KCTD2: variants seen among roughly 807,000 people sequenced by gnomAD.
The protein encoded by KCTD2 is potassium channel tetramerization domain containing 2.
KCTD2 carries 18 observed loss-of-function variants against 27.9 expected under a neutral mutation model. The observed-to-expected ratio is 0.64, with a 90% CI of 0.45 to 0.96. KCTD2 has a LOEUF of 0.96. Among genes scored for constraint, KCTD2 ranks in the 40% least tolerant of loss-of-function variants. KCTD2 has a pLI of 0.00. For missense variants in KCTD2, 280 were observed against 348.0 expected (o/e 0.80, Z 1.56); for synonymous variants, 175 against 148.4 (o/e 1.18, Z -1.30).
At chr17:75,061,995 C>A in intron 4 of KCTD2, 125 bp from the exon 5 acceptor site, 1 of 1,063,966 alleles carries the variant, frequency 9.4e-7, no homozygotes, top group Non-Finnish European at 1.4e-6. Flanking sequence ...TCACAGAGAA[C>A]TCATATAAAG....
At chr17:75,043,607 G>A (rs1397420666), upstream of KCTD2, among the ~76,000 whole-genome samples, 1 of 125,550 alleles carries the variant, frequency 8.0e-6, no homozygotes, top group Non-Finnish European at 1.6e-5. Flanking sequence ...GTGAGACTCT[G>A]TCTCAAAAAA....
At chr17:75,033,940 C>T (rs1598678919) in intron 1 of KCTD2, 2 of 152,272 alleles carry the variant, frequency 1.3e-5, no homozygotes, top group African/African-American at 2.4e-5. Context: ...CACTGGCCTC[C>T]TAAGCCAGGG....
At chr17:75,040,261 A>C in intron 3 of KCTD2, 2 of 1,425,996 alleles carry the variant, frequency 1.4e-6, no homozygotes, top group South Asian at 1.2e-5. Flanking sequence ...AAGGGCTGGA[A>C]GCTACGAATC....
At chr17:75,060,730 C>T (rs539500175) in intron 4 of KCTD2, 16 of 774,334 alleles carry the variant, frequency 2.1e-5, no homozygotes, top group Middle Eastern at 3.8e-4. Context: ...TGGGATCAAC[C>T]GCCTGAGTAA....
intron 3 of KCTD2, among the ~76,000 whole-genome samples, chr17:75,057,654 G>A (rs1219277747): frequency 6.6e-6 from 1 of 150,780 alleles, no homozygotes. Flanking sequence ...CTGCCTCCGG[G>A]GTTCAAGCAG....
intron 3 of KCTD2, chr17:75,040,134 C>T: frequency 2.5e-6 from 4 of 1,612,686 alleles, no homozygotes; most frequent in Non-Finnish European, 3.4e-6. Flanking sequence ...TATATTTATC[C>T]TCTGGCACGG....
intron 3 of KCTD2, among the ~76,000 whole-genome samples, chr17:75,053,662 C>T (rs559458460): frequency 7.2e-5 from 11 of 151,972 alleles, no homozygotes; most frequent in African/African-American, 2.7e-4. Flanking sequence ...AGGCTGGTCT[C>T]GAACTCCCGA....
chr17:75,043,047 C>A (rs1368419456), upstream of KCTD2, among the ~76,000 whole-genome samples: 1 of 151,730 alleles, frequency 6.6e-6, no homozygotes, highest in Non-Finnish European at 1.5e-5. Context: ...CATGGCAAAA[C>A]CCCATCTCTA....
chr17:75,056,993 T>C (rs1462375796), intron 3 of KCTD2, among the ~76,000 whole-genome samples: 1 of 148,258 alleles, frequency 6.7e-6, no homozygotes, highest in Non-Finnish European at 1.5e-5. Context: ...CTCGCTGTGT[T>C]GACCAGGCTG....
chr17:75,051,429 T>TAC (rs2073285514), intron 2 of KCTD2, among the ~76,000 whole-genome samples: 1 of 151,590 alleles, frequency 6.6e-6, no homozygotes, highest in African/African-American at 2.4e-5. Flanking sequence ...GGATTACAGG[T>TAC]GCATGCCACC....
rs2073235706 is a variant in KCTD2 at position 75,047,418 on chromosome 17, G to T, written c.168G>T (p.Glu56Asp). 2 of 1,249,432 alleles carry T rather than the reference G, an allele frequency of 1.6e-6. No individual in the cohort carries two copies. Among genetic ancestry groups the T allele is most frequent in the East Asian group, 6.4e-5 (2 of 31,120 alleles). 77.4% of individuals were successfully genotyped at this position (1,249,432 alleles called of 1,614,324 possible). A position where few individuals can be genotyped will look rare whatever the true frequency, so the allele number is the denominator to read the frequency against. Residue 56 changes from glutamate (E) to aspartate (D), a missense_variant, in exon 1 of 6, where the codon GAG (glutamate) becomes GAT (aspartate). Physicochemically the swap from Glu to Asp is conservative, Grantham distance 45 (BLOSUM62 2). Transcript: ENST00000322444. Reference protein sequence around the residue: ...RPAAAVAQPLEPGPGPPERAG... With the variant: ...RPAAAVAQPLDPGPGPPERAG... Reference sequence around the variant, plus strand: ...CTGCCGCCGTCGCGCAGCCGCTGGAGCCGGGTCCCGGACCACCCGAGCGGG... The same window carrying T: ...CTGCCGCCGTCGCGCAGCCGCTGGATCCGGGTCCCGGACCACCCGAGCGGG...
chr17:75,054,976 G>C (rs1003896001), intron 3 of KCTD2, among the ~76,000 whole-genome samples: 3 of 152,116 alleles, frequency 2.0e-5, no homozygotes, highest in African/African-American at 7.2e-5. Context: ...TTTCCCATCA[G>C]ATACTGGTAG....
chr17:75,048,661 G>C (rs751678915), intron 1 of KCTD2, among the ~76,000 whole-genome samples: 1 of 152,186 alleles, frequency 6.6e-6, no homozygotes, highest in African/African-American at 2.4e-5. Context: ...TCAGAGCCAA[G>C]TCCTGGCAGT....
intron 5 of KCTD2, 106 bp from the exon 6 acceptor site, chr17:75,062,912 G>A (rs916758009): frequency 8.2e-6 from 10 of 1,221,906 alleles, no homozygotes; most frequent in Non-Finnish European, 1.2e-5. Flanking sequence ...TGCTTCCTGG[G>A]ATGACAGGAC....
intron 5 of KCTD2, 127 bp from the exon 6 acceptor site, chr17:75,062,891 G>T: frequency 1.1e-6 from 1 of 939,690 alleles, no homozygotes; most frequent in Non-Finnish European, 1.7e-6. Context: ...GGCTGCGGCT[G>T]CACCCCTGCT....
chr17:75,042,798 T>C (rs2073174098), upstream of KCTD2: 1 of 909,046 alleles, frequency 1.1e-6, no homozygotes, highest in South Asian at 1.8e-5. Flanking sequence ...CAAGAATCAC[T>C]TGAACCCAGG....
chr17:75,058,345 AAAT>A (rs1567993806), intron 3 of KCTD2, among the ~76,000 whole-genome samples: 1 of 150,400 alleles, frequency 6.6e-6, no homozygotes, highest in African/African-American at 2.5e-5. Context: ...AAGGAAAAAA[AAAT>A]AAAAAATTAG....
At chr17:75,034,468 A>C (rs1007525094) in intron 2 of KCTD2, among the ~76,000 whole-genome samples, 12 of 152,172 alleles carry the variant, frequency 7.9e-5, no homozygotes, top group African/African-American at 2.9e-4. Context: ...TCCCTGGCTT[A>C]GGAGGCCAGT....
At position 75,047,412 on chromosome 17, in the gene KCTD2, G is replaced by C. The variant is rs750143990; in HGVS notation, c.162G>C (p.Pro54=). Residue 54 remains proline (P), a synonymous_variant, in exon 1 of 6, where the codon CCG becomes CCC. Transcript: ENST00000322444. The stretch of plus-strand genomic sequence containing the variant: ...GCCCGGCTGCCGCCGTCGCGCAGCC[G>C]CTGGAGCCGGGTCCCGGACCACCCG... ...HGRPAAAVAQ[P]LEPGPGPPER... is the part of the protein sequence containing the mutation. 2 of 1,215,964 alleles carry C rather than the reference G, an allele frequency of 1.6e-6. No homozygotes were observed. Among genetic ancestry groups the C allele is most frequent in the South Asian group, 3.5e-5 (1 of 28,230 alleles). 75.3% of individuals were successfully genotyped at this position (1,215,964 alleles called of 1,614,324 possible). A position where few individuals can be genotyped will look rare whatever the true frequency, so the allele number is the denominator to read the frequency against.
Sources: allele counts gnomAD v4.1 joint callset (sites outside exome capture counted in the v4.1 genomes callset), GRCh38; gene constraint gnomAD v4.1.1; transcripts MANE v1.5; gene names NCBI Gene and HGNC (gene_info 2026-07-23, HGNC 2026-07-21).